The following HOXB3 variants were observed in gnomAD, a reference collection of about 807,000 sequenced individuals.
HOXB3 encodes the protein homeobox protein Hox-B3.
A neutral mutation model predicts 29.2 loss-of-function variants in HOXB3; 17 were observed. The ratio of observed to expected loss-of-function variants is 0.58; its 90% confidence interval spans 0.40 to 0.87. The LOEUF (loss-of-function observed/expected upper bound fraction) is 0.87. Among genes scored for constraint, HOXB3 ranks in the 40% least tolerant of loss-of-function variants. The probability of loss-of-function intolerance (pLI) is 0.00; values close to 1 mark genes in which losing one functional copy is unlikely to be tolerated. For missense variants in HOXB3, 637 were observed against 616.3 expected (o/e 1.03, Z -0.35); for synonymous variants, 317 against 285.9 (o/e 1.11, Z -1.10).
intron 3 of HOXB3, 138 bp downstream of exon 3, chr17:48,555,381 GGAGGGAGGGAGA>G (rs2068941332): frequency 3.2e-6 from 2 of 629,142 alleles, no homozygotes; most frequent in African/African-American, 2.1e-5. Context: ...AGGGAGGGAG[GGAGGGAGGGAGA>G]GAGAGAGTCG....
At chr17:48,574,072 G>T in intron 1 of HOXB3, 58 bp from the exon 2 acceptor site, 1 of 574,342 alleles carries the variant, frequency 1.7e-6, no homozygotes, top group South Asian at 2.2e-5. Context: ...AGTGATTAAT[G>T]GTTTTCTGTA....
chr17:48,569,216 G>A (rs1190705502), intron 2 of HOXB3, among the ~76,000 whole-genome samples: 1 of 152,004 alleles, frequency 6.6e-6, no homozygotes, highest in Non-Finnish European at 1.5e-5. Flanking sequence ...TCACGTGACC[G>A]GGAGGGGGAA....
Position 48,563,092 on chromosome 17 carries a change from T to C in HOXB3, c.-246-7474A>G, listed in dbSNP as rs527724733. On this transcript the variant is annotated intron_variant, in intron 2 of 4. Coordinates refer to ENST00000498678, the MANE Select transcript of HOXB3 (RefSeq NM_001384749.1). ...CTTTTCTCCTTTTGGCCTCCCCTCC[T>C]CAACCAACCATACTCACTAATTCCT... 4.6e-5 allele frequency among the ~76,000 whole-genome samples: 7 copies of C among 152,250 alleles called. No homozygotes were observed. The South Asian group carries it at 1.2e-3, about 27-fold the overall frequency.
At chr17:48,584,381 G>GGCCCAT (rs2070006674) in intron 1 of HOXB3, among the ~76,000 whole-genome samples, 1 of 152,178 alleles carries the variant, frequency 6.6e-6, no homozygotes, top group East Asian at 1.9e-4. Flanking sequence ...CTCCAGTGTT[G>GGCCCAT]GCCCATGCTC....
chr17:48,563,412 C>T (rs1057116993), intron 2 of HOXB3, among the ~76,000 whole-genome samples: 1 of 152,200 alleles, frequency 6.6e-6, no homozygotes, highest in African/African-American at 2.4e-5. Flanking sequence ...CAAACCCATC[C>T]GCAAAGCCCC....
chr17:48,577,839 G>A (rs771356128), intron 1 of HOXB3: 3 of 1,394,516 alleles, frequency 2.2e-6, no homozygotes, highest in South Asian at 1.9e-5. Context: ...GGGTGGGAGG[G>A]GGAAGGGGTG....
rs2068664025 is a variant in HOXB3, at chr17:48,550,275, C to T, written c.*59G>A. The T allele has an allele frequency of 6.2e-7, 1 of 1,607,236 alleles. No individual in the cohort carries two copies. The highest frequency in any genetic ancestry group is 1.1e-5 in the South Asian group (1 of 90,090). ...CTTTTCAGACCTCCAGGTTGCCCCC[C>T]AGAGCTCCACAGTCTCTCTCTTCCT... is the stretch of plus-strand genomic sequence containing the variant. On this transcript the variant is annotated 3_prime_UTR_variant, in exon 5 of 5. Transcript: ENST00000498678.
intron 1 of HOXB3, among the ~76,000 whole-genome samples, chr17:48,577,563 C>T (rs1317865664): frequency 1.3e-5 from 2 of 152,212 alleles, no homozygotes; most frequent in African/African-American, 2.4e-5. Context: ...CCTCCTCCAC[C>T]CCTCCCCAAC....
At position 48,554,206 on chromosome 17, in the gene HOXB3, G is replaced by C. The variant is rs1414745618; in HGVS notation, c.-159+1325C>G. ...AATTAGCTTCCAAGCAGCCCTGGCTGAAGGGGGAATTAATTAACAGGCATT... is the reference window on the plus strand; with the variant it reads ...AATTAGCTTCCAAGCAGCCCTGGCTCAAGGGGGAATTAATTAACAGGCATT... On this transcript the variant is annotated intron_variant, in intron 3 of 4. Coordinates refer to ENST00000498678, the MANE Select transcript of HOXB3 (RefSeq NM_001384749.1). This position sits in a 1 kb window ranked among gnomAD's most constrained non-coding sequence, Gnocchi z 4.1. The C allele has an allele frequency of 5.5e-6, 1 of 182,614 alleles. No homozygotes were observed. Among genetic ancestry groups the C allele is most frequent in the Non-Finnish European group, 1.2e-5 (1 of 85,712 alleles). The allele number at this position is 182,614 out of a possible 1,614,324, so 11.3% of individuals were successfully genotyped here. A position where few individuals can be genotyped will look rare whatever the true frequency, so the allele number is the denominator to read the frequency against.
chr17:48,567,368 A>G (rs2069424646), intron 2 of HOXB3, among the ~76,000 whole-genome samples: 1 of 152,226 alleles, frequency 6.6e-6, no homozygotes, highest in Admixed American at 6.5e-5. Context: ...GCAGAGTTAA[A>G]TATCACAGAT....
In HOXB3 at chr17:48,554,921, A is replaced by G; in HGVS notation, c.-159+610T>C. 1.5e-6 allele frequency: 1 copy of G among 682,472 alleles called. No individual in the cohort carries two copies. 42.3% of individuals were successfully genotyped at this position (682,472 alleles called of 1,614,324 possible). On this transcript the variant is annotated intron_variant, in intron 3 of 4. Transcript: ENST00000498678. This position sits in a 1 kb window ranked among gnomAD's most constrained non-coding sequence, Gnocchi z 4.1. The stretch of plus-strand genomic sequence containing the variant: ...GATCCAGAACAAGAGGGGGTGGGGA[A>G]CAACTCTACCAAGCCAAACAGATCT...
chr17:48,576,779 C>T (rs200388738), intron 1 of HOXB3: 7 of 1,614,080 alleles, frequency 4.3e-6, no homozygotes, highest in Non-Finnish European at 5.9e-6. Flanking sequence ...CTGAGCCTGC[C>T]GCACCACCCG....
intron 1 of HOXB3, chr17:48,579,359 T>C (rs2069874912): frequency 6.6e-6 from 1 of 152,324 alleles, no homozygotes; most frequent in South Asian, 2.1e-4. Context: ...ATCCCTTTGA[T>C]ACTGGGGATA....
chr17:48,578,099 G>C, intron 1 of HOXB3: 1 of 1,171,834 alleles, frequency 8.5e-7, no homozygotes, highest in East Asian at 3.2e-5. Flanking sequence ...CGGAGGCGGC[G>C]GGGGCCCAGG....
intron 2 of HOXB3, among the ~76,000 whole-genome samples, chr17:48,572,854 GA>G (rs1458496341): frequency 6.6e-6 from 1 of 152,138 alleles, no homozygotes; most frequent in Non-Finnish European, 1.5e-5. Context: ...TCCTGGGCAG[GA>G]GGCAAATGCC....
intron 1 of HOXB3, chr17:48,579,904 C>T (rs375865628): frequency 9.6e-6 from 5 of 521,792 alleles, no homozygotes; most frequent in African/African-American, 5.9e-5. Context: ...AAATTCCTTA[C>T]ACAAATTCGG....
chr17:48,583,717 T>C (rs1416207774), intron 1 of HOXB3, among the ~76,000 whole-genome samples: 2 of 152,246 alleles, frequency 1.3e-5, no homozygotes, highest in Non-Finnish European at 2.9e-5. Context: ...CGTTCTGTGC[T>C]GGAACAGAAG....
Position 48,549,999 on chromosome 17 carries a change from T to A in HOXB3, c.*335A>T, listed in dbSNP as rs1251316959. On this transcript the variant is annotated 3_prime_UTR_variant, in exon 5 of 5. Transcript: ENST00000498678. ...GCCATCTTGTCTGGTTTTTAAAATG[T>A]GCTTTTCTGCCTCGTCCTGTCTCGT... The A allele has an allele frequency of 1.7e-5, 4 of 241,432 alleles. No individual in the cohort carries two copies. The highest frequency in any genetic ancestry group is 9.1e-5 in the African/African-American group (4 of 43,734). 15.0% of individuals were successfully genotyped at this position (241,432 alleles called of 1,614,324 possible).
chr17:48,585,380 G>A (rs2070026873), intron 1 of HOXB3, among the ~76,000 whole-genome samples: 1 of 152,250 alleles, frequency 6.6e-6, no homozygotes, highest in Non-Finnish European at 1.5e-5. Context: ...AGAGAGCTTG[G>A]AGCAGGGGCT....
Sources: gnomAD v4.1 joint callset for allele counts (sites outside exome capture counted in the v4.1 genomes callset) on GRCh38, gnomAD v4.1.1 for gene constraint, Gnocchi (gnomAD v3.1) non-coding constraint, MANE v1.5 for transcripts, NCBI Gene and HGNC (gene_info 2026-07-23, HGNC 2026-07-21) for gene names.